Variants in GABRP observed in about 807,000 individuals in gnomAD.
GABRP encodes the protein gamma-aminobutyric acid type A receptor subunit pi.
In GABRP, 52 loss-of-function variants were observed where a neutral mutation model predicts 47.8. The observed-to-expected ratio is 1.09, with a 90% CI of 0.87 to 1.37. The LOEUF (loss-of-function observed/expected upper bound fraction) is 1.37. GABRP is among the 40% of genes most tolerant of loss of function. The pLI, the probability that GABRP is intolerant of heterozygous loss-of-function variation, is 0.00. For synonymous variants in GABRP, 221 were observed against 205.8 expected (o/e 1.07, Z -0.63); for missense variants, 525 against 542.8 (o/e 0.97, Z 0.33).
chr5:170,807,930 T>G (rs540904078), intron 7 of GABRP, among the ~76,000 whole-genome samples: 43 of 152,300 alleles, frequency 2.8e-4, no homozygotes, highest in African/African-American at 9.6e-4. Flanking sequence ...TCCACACCAG[T>G]GCTGGCCACT....
intron 9 of GABRP, chr5:170,810,041 G>C: frequency 1.5e-6 from 1 of 686,478 alleles, no homozygotes. Context: ...AAGCATCCAT[G>C]AAGAATCCAA....
At chr5:170,796,018 G>A (rs1166821881) in intron 5 of GABRP, among the ~76,000 whole-genome samples, 1 of 152,266 alleles carries the variant, frequency 6.6e-6, no homozygotes, top group East Asian at 1.9e-4. Flanking sequence ...TGAAGCTCAA[G>A]TTCCTTTCAC....
intron 6 of GABRP, among the ~76,000 whole-genome samples, chr5:170,797,847 G>T (rs1243458133): frequency 1.3e-5 from 2 of 152,256 alleles, no homozygotes; most frequent in Non-Finnish European, 2.9e-5. Flanking sequence ...AGCAAACAAC[G>T]GCTGGTGTGC....
At chr5:170,805,910 G>T (rs1302054371) in intron 7 of GABRP, 57 bp downstream of exon 7, 1 of 1,576,528 alleles carries the variant, frequency 6.3e-7, no homozygotes, top group Admixed American at 1.7e-5. Flanking sequence ...GTGTAGGGTT[G>T]CTCTCTGAGT....
intron 7 of GABRP, 89 bp from the exon 8 acceptor site, chr5:170,808,511 G>A (rs1581607454): frequency 9.1e-7 from 1 of 1,095,526 alleles, no homozygotes; most frequent in Non-Finnish European, 1.3e-6. Flanking sequence ...ATGACAGAGG[G>A]CTTAATGTAC....
At position 170,805,793 on chromosome 5, in the gene GABRP, C is replaced by T. The variant is rs1765718041; in HGVS notation, c.619C>T (p.Leu207Phe). 6.2e-6 allele frequency: 10 copies of T among 1,614,230 alleles called. No homozygotes were observed. The highest frequency in any genetic ancestry group is 8.5e-6 in the Non-Finnish European group (10 of 1,180,032). The change falls in exon 7 of 10, where the codon CTT (leucine) becomes TTT (phenylalanine). Residue 207 changes from leucine to phenylalanine, a missense_variant. Coordinates refer to ENST00000265294, the MANE Select transcript of GABRP (RefSeq NM_014211.3). Reference protein sequence around the residue: ...DSVRGLEHLRLAQYTIERYFT... With the variant: ...DSVRGLEHLRFAQYTIERYFT... ...TGTGCGTGGACTGGAACACCTGCGGCTTGCTCAGTACACCATAGAGCGGTA... is the reference window on the plus strand; with the variant it reads ...TGTGCGTGGACTGGAACACCTGCGGTTTGCTCAGTACACCATAGAGCGGTA...
chr5:170,798,874 G>A (rs1036533176), intron 6 of GABRP, among the ~76,000 whole-genome samples: 14 of 151,692 alleles, frequency 9.2e-5, no homozygotes, highest in African/African-American at 3.4e-4. Context: ...GTATACATGT[G>A]CCGTGTTGGT....
At chr5:170,785,965 G>T (rs72837673) in intron 1 of GABRP, among the ~76,000 whole-genome samples, 35 of 152,328 alleles carry the variant, frequency 2.3e-4, no homozygotes, top group Non-Finnish European at 2.8e-4. Context: ...GACCTTTTCT[G>T]TGACTTCCCT....
chr5:170,794,373 C>T, intron 4 of GABRP, 75 bp downstream of exon 4: 2 of 473,942 alleles, frequency 4.2e-6, no homozygotes, highest in Non-Finnish European at 6.4e-6. Context: ...TTTCTAGCCG[C>T]TCAAAAAAAA....
chr5:170,809,007 G>C (rs1168897510), intron 8 of GABRP, among the ~76,000 whole-genome samples: 1 of 152,096 alleles, frequency 6.6e-6, no homozygotes, highest in African/African-American at 2.4e-5. Context: ...CGTGATCTCG[G>C]CTCACTGCAA....
intron 3 of GABRP, among the ~76,000 whole-genome samples, 164 bp downstream of exon 3, chr5:170,789,411 G>C (rs1206879099): frequency 6.6e-6 from 1 of 152,116 alleles, no homozygotes; most frequent in Non-Finnish European, 1.5e-5. Context: ...TTTTCACACT[G>C]CCTGGAAAAA....
chr5:170,793,674 C>T (rs1765340702), intron 3 of GABRP, among the ~76,000 whole-genome samples: 1 of 152,194 alleles, frequency 6.6e-6, no homozygotes, highest in South Asian at 2.1e-4. Context: ...CAATTAGTTC[C>T]TTACAAATGC....
At chr5:170,788,747 C>T in intron 2 of GABRP, 79 bp downstream of exon 2, 1 of 1,374,312 alleles carries the variant, frequency 7.3e-7, no homozygotes, top group South Asian at 1.2e-5. Context: ...GGCAGCTCCT[C>T]CTATTCACCC....
upstream of GABRP, chr5:170,782,849 C>T (rs948770870): frequency 6.6e-6 from 1 of 152,496 alleles, no homozygotes; most frequent in African/African-American, 2.4e-5. Flanking sequence ...CTCCTGGCTC[C>T]CAGCTCCCTC....
At chr5:170,805,277 T>A (rs147926545) in intron 6 of GABRP, among the ~76,000 whole-genome samples, 6 of 152,152 alleles carry the variant, frequency 3.9e-5, no homozygotes, top group South Asian at 4.1e-4. Context: ...ATAAAGCAGG[T>A]TTTTTGTTTT....
intron 6 of GABRP, among the ~76,000 whole-genome samples, chr5:170,805,472 T>G (rs1263791890): frequency 6.6e-6 from 1 of 152,230 alleles, no homozygotes; most frequent in East Asian, 1.9e-4. Flanking sequence ...CCACCAGATC[T>G]ACGCAGTACC....
At chr5:170,783,107 G>A (rs1194557476), upstream of GABRP, among the ~76,000 whole-genome samples, 2 of 152,170 alleles carry the variant, frequency 1.3e-5, no homozygotes, top group East Asian at 3.9e-4. Context: ...GGAAGGTGGA[G>A]GGTTGGAGAA....
At chr5:170,811,510 T>C (rs530616944) in intron 9 of GABRP, among the ~76,000 whole-genome samples, 3 of 152,168 alleles carry the variant, frequency 2.0e-5, no homozygotes, top group Non-Finnish European at 4.4e-5. Flanking sequence ...ACCTACCAGA[T>C]GCTTTCCATT....
upstream of GABRP, among the ~76,000 whole-genome samples, chr5:170,783,146 G>A (rs574375997): frequency 8.8e-4 from 134 of 152,198 alleles, 1 homozygote; most frequent in African/African-American, 3.1e-3. Context: ...GTGTCTCCCC[G>A]CCTCCTCCTC....
Sources: allele counts gnomAD v4.1 joint callset (sites outside exome capture counted in the v4.1 genomes callset), GRCh38; gene constraint gnomAD v4.1.1; transcripts MANE v1.5; gene names NCBI Gene and HGNC (gene_info 2026-07-23, HGNC 2026-07-21).